The following CACNA2D4 variants were observed in gnomAD, a reference collection of about 807,000 sequenced individuals.
The protein encoded by CACNA2D4 is voltage-dependent calcium channel subunit alpha-2/delta-4.
In CACNA2D4, 157 loss-of-function variants were observed where a neutral mutation model predicts 163.8. The observed-to-expected ratio is 0.96, with a 90% CI of 0.84 to 1.09. The LOEUF is 1.09. CACNA2D4 is among the 50% of genes least tolerant of loss of function. The pLI is 0.00. For synonymous variants in CACNA2D4, 598 were observed against 586.9 expected (o/e 1.02, Z -0.27); for missense variants, 1,410 against 1,479.9 (o/e 0.95, Z 0.78).
intron 26 of CACNA2D4, among the ~76,000 whole-genome samples, chr12:1,813,019 G>GA (rs1863760483): frequency 6.6e-6 from 1 of 152,276 alleles, no homozygotes; most frequent in East Asian, 1.9e-4. Flanking sequence ...AATTTGATGG[G>GA]AAAAATGAGA....
In CACNA2D4 at chr12:1,884,286, C is replaced by A. The variant is rs1424955411; in HGVS notation, c.1308G>T (p.Val436=). 6.2e-7 allele frequency: 1 copy of A among 1,612,648 alleles called. No homozygotes were observed. The part of the protein sequence containing the change: ...RVFTYLIGRE[V]SFADRMKWIA... ...TCCACTTCATGCGGTCAGCAAAAGA[C>A]ACTTCTCTCCCAATGAGGTAAGTGA... is the stretch of plus-strand genomic sequence containing the variant. The change falls in exon 12 of 38, where the codon GTG becomes GTT. Residue 436 remains valine (V), a synonymous_variant. Coordinates refer to ENST00000382722, the MANE Select transcript of CACNA2D4 (RefSeq NM_172364.5).
intron 24 of CACNA2D4, among the ~76,000 whole-genome samples, chr12:1,845,978 G>A (rs1865135059): frequency 6.6e-6 from 1 of 152,184 alleles, no homozygotes; most frequent in African/African-American, 2.4e-5. Flanking sequence ...CATTCCTGGT[G>A]TGGAGGCCTA....
Position 1,874,708 on chromosome 12 carries a change from T to G in CACNA2D4, c.1807-33A>C. The G allele has an allele frequency of 1.3e-6, 2 of 1,484,952 alleles. No homozygotes were observed. Among genetic ancestry groups the G allele is most frequent in the South Asian group, 1.1e-5 (1 of 88,342 alleles). The allele number at this position is 1,484,952 out of a possible 1,614,324, so 92.0% of individuals were successfully genotyped here. A position where few individuals can be genotyped will look rare whatever the true frequency, so the allele number is the denominator to read the frequency against. On this transcript the variant is annotated intron_variant, in intron 17 of 37. Transcript: ENST00000382722. The surrounding 1 kb of genome is among the most constrained non-coding windows in gnomAD (Gnocchi z 4.4). ...AGGAAAGACAATGGCATTAGTTCCT[T>G]GGCTCACAGGGGATGGTGAAAGTAT...
rs1339822606 is a variant in CACNA2D4 at position 1,886,147 on chromosome 12, T to C, written c.993+76A>G. On this transcript the variant is annotated intron_variant, in intron 8 of 37. Coordinates refer to ENST00000382722, the MANE Select transcript of CACNA2D4 (RefSeq NM_172364.5). ...ATGCAGGTCACCGGGTGGTCAGGGG[T>C]TGTGGGTCACCTTGGTACCTGTGTA... The C allele has an allele frequency of 2.5e-6, 4 of 1,573,558 alleles. No homozygotes were observed. The Admixed American group carries it at 6.7e-5, about 26-fold the overall frequency.
chr12:1,815,874 G>A (rs1296907024), intron 26 of CACNA2D4, among the ~76,000 whole-genome samples: 1 of 151,746 alleles, frequency 6.6e-6, no homozygotes, highest in African/African-American at 2.4e-5. Context: ...AGTGAGACAT[G>A]AAGAAGAACT....
At chr12:1,916,934 G>T (rs1260027695) in intron 1 of CACNA2D4, among the ~76,000 whole-genome samples, 2 of 152,188 alleles carry the variant, frequency 1.3e-5, no homozygotes, top group African/African-American at 4.8e-5. Flanking sequence ...GGCCGCTGGG[G>T]CCCCCCTCCC....
chr12:1,908,553 G>T (rs1279641284), intron 4 of CACNA2D4, among the ~76,000 whole-genome samples: 1 of 152,020 alleles, frequency 6.6e-6, no homozygotes, highest in Non-Finnish European at 1.5e-5. Context: ...CTCCGGTGGA[G>T]CCCCGGCCCC....
At chr12:1,886,076 A>T (rs1866136075) in intron 8 of CACNA2D4, 37 bp from the exon 9 acceptor site, 1 of 1,572,928 alleles carries the variant, frequency 6.4e-7, no homozygotes, top group African/African-American at 1.4e-5. Context: ...GTGGGGGGAG[A>T]ATAAACAGCA....
chr12:1,808,683 G>A (rs1213759589), intron 29 of CACNA2D4, among the ~76,000 whole-genome samples: 1 of 152,126 alleles, frequency 6.6e-6, no homozygotes, highest in Admixed American at 6.5e-5. Flanking sequence ...CCCATGCTCC[G>A]GCCCTTGAAA....
At chr12:1,905,443 T>C (rs1020372998) in intron 6 of CACNA2D4, among the ~76,000 whole-genome samples, 9 of 152,142 alleles carry the variant, frequency 5.9e-5, no homozygotes, top group African/African-American at 2.2e-4. Flanking sequence ...GATGATCTCA[T>C]ATGTAGAATG....
At chr12:1,903,960 T>C (rs554179088) in intron 6 of CACNA2D4, among the ~76,000 whole-genome samples, 4 of 152,146 alleles carry the variant, frequency 2.6e-5, no homozygotes, top group African/African-American at 9.6e-5. Context: ...CCAAGATTTG[T>C]AAACAATCTA....
intron 26 of CACNA2D4, among the ~76,000 whole-genome samples, chr12:1,830,738 T>C (rs1369506955): frequency 6.6e-6 from 1 of 152,256 alleles, no homozygotes; most frequent in Admixed American, 6.5e-5. Context: ...CACTGTGTGA[T>C]GTCCATTAAT....
intron 25 of CACNA2D4, among the ~76,000 whole-genome samples, chr12:1,841,681 T>C (rs573800739): frequency 2.9e-4 from 44 of 152,360 alleles, no homozygotes; most frequent in African/African-American, 1.0e-3. Context: ...TCTGATGTGC[T>C]ATCACATTTT....
intron 26 of CACNA2D4, among the ~76,000 whole-genome samples, chr12:1,816,790 A>C (rs1863889362): frequency 6.6e-6 from 1 of 152,200 alleles, no homozygotes; most frequent in South Asian, 2.1e-4. Flanking sequence ...ATATATGCAC[A>C]CACGGACACA....
chr12:1,846,532 T>G (rs1865146982), intron 24 of CACNA2D4, 62 bp downstream of exon 24: 1 of 1,363,112 alleles, frequency 7.3e-7, no homozygotes, highest in Non-Finnish European at 1.0e-6. Flanking sequence ...GAACACACCA[T>G]GGGACTCTGG....
chr12:1,796,466 T>G (rs111663721), intron 35 of CACNA2D4, among the ~76,000 whole-genome samples: 1 of 152,222 alleles, frequency 6.6e-6, no homozygotes, highest in African/African-American at 2.4e-5. Flanking sequence ...CCCACGGTCA[T>G]AAGCGGGGGA....
At chr12:1,795,564 CGG>C (rs1863093998) in intron 36 of CACNA2D4, 102 bp downstream of exon 36, 2 of 971,316 alleles carry the variant, frequency 2.1e-6, no homozygotes, top group Non-Finnish European at 3.2e-6. Flanking sequence ...GTGGAGGACA[CGG>C]GCGGTGAAGG....
At chr12:1,819,329 G>A (rs1390970289) in intron 26 of CACNA2D4, among the ~76,000 whole-genome samples, 1 of 152,148 alleles carries the variant, frequency 6.6e-6, no homozygotes, top group African/African-American at 2.4e-5. Context: ...ACTCCCCAGA[G>A]GTAAAAGACA....
Position 1,918,461 on chromosome 12 carries a change from AGCCACAGACCATGAGCTCT to A in CACNA2D4, c.-7_12del, listed in dbSNP as rs1867053357. The A allele has an allele frequency of 1.3e-6, 2 of 1,567,012 alleles. No individual in the cohort carries two copies. Among genetic ancestry groups the A allele is most frequent in the Non-Finnish European group, 1.7e-6 (2 of 1,156,332 alleles). ...TTGGGGAGGGGAAGGAGGGCAGAGC[AGCCACAGACCATGAGCTCT>A]GTCTGCCTTCCTCCCAGACCCCAGG... On this transcript the variant is annotated start_lost and 5_prime_UTR_variant, in exon 1 of 38. Transcript: ENST00000382722.
Sources: allele counts gnomAD v4.1 joint callset (sites outside exome capture counted in the v4.1 genomes callset), GRCh38; gene constraint gnomAD v4.1.1; non-coding constraint Gnocchi (gnomAD v3.1); transcripts MANE v1.5; gene names NCBI Gene and HGNC (gene_info 2026-07-23, HGNC 2026-07-21).